MTHFD1L: variants seen among roughly 807,000 people sequenced by gnomAD.
MTHFD1L encodes the protein methylenetetrahydrofolate dehydrogenase (NADP+ dependent) 1 like.
Under a neutral mutation model 119.5 loss-of-function variants are expected in MTHFD1L, and 81 were observed. The ratio of observed to expected loss-of-function variants is 0.68; its 90% confidence interval spans 0.57 to 0.82. The LOEUF is 0.82. Ranked by LOEUF, MTHFD1L falls within the 40% of genes least tolerant of loss-of-function variation. The pLI is 0.00. For synonymous variants in MTHFD1L, 430 were observed against 475.2 expected, an observed-to-expected ratio of 0.90 and a Z score of 1.24; for missense variants, 1,125 against 1,253.4, an observed-to-expected ratio of 0.90 and a Z score of 1.55.
intron 26 of MTHFD1L, among the ~76,000 whole-genome samples, chr6:151,044,229 TC>T (rs1787587126): frequency 6.6e-6 from 1 of 151,752 alleles, no homozygotes; most frequent in South Asian, 2.1e-4. Flanking sequence ...TTCCTGTAAC[TC>T]CTTCACTTTG....
At chr6:150,997,567 T>C (rs1459619368) in intron 20 of MTHFD1L, among the ~76,000 whole-genome samples, 1 of 152,116 alleles carries the variant, frequency 6.6e-6, no homozygotes, top group Non-Finnish European at 1.5e-5. Flanking sequence ...GGCAGGTGGA[T>C]GCCTCGAGCC....
chr6:150,928,407 G>A (rs1177201694), intron 11 of MTHFD1L, among the ~76,000 whole-genome samples: 1 of 127,096 alleles, frequency 7.9e-6, no homozygotes, highest in African/African-American at 3.1e-5. Context: ...CTGCACTCCA[G>A]CCTAGGTGAC....
intron 26 of MTHFD1L, among the ~76,000 whole-genome samples, chr6:151,081,374 T>G (rs980728284): frequency 6.6e-6 from 1 of 152,026 alleles, no homozygotes; most frequent in South Asian, 2.1e-4. Context: ...TGACTTGGGC[T>G]GGGCGCAGTG....
chr6:150,921,433 G>A (rs6936056), intron 9 of MTHFD1L, among the ~76,000 whole-genome samples: 13,538 of 151,938 alleles, frequency 0.089, 850 homozygotes, highest in African/African-American at 0.17. Context: ...TGTATTTTTA[G>A]TAGAGACAGG....
intron 11 of MTHFD1L, among the ~76,000 whole-genome samples, chr6:150,932,009 A>G (rs1791122880): frequency 6.6e-6 from 1 of 151,802 alleles, no homozygotes; most frequent in Admixed American, 6.6e-5. Flanking sequence ...TAAAAATACA[A>G]AAATTAGCTG....
chr6:151,062,796 C>G (rs1276113352), intron 26 of MTHFD1L, among the ~76,000 whole-genome samples: 1 of 151,632 alleles, frequency 6.6e-6, no homozygotes, highest in African/African-American at 2.4e-5. Flanking sequence ...TCTTGGATGG[C>G]CTTTAACTTG....
intron 26 of MTHFD1L, among the ~76,000 whole-genome samples, chr6:151,063,876 GT>G (rs5880913): frequency 0.12 from 18,117 of 146,852 alleles, 1,278 homozygotes; most frequent in Admixed American, 0.18. Flanking sequence ...TGTGTTTTGG[GT>G]TTTTTTTTTT....
Position 150,885,716 on chromosome 6 carries a change from G to A in MTHFD1L, c.625G>A (p.Glu209Lys). ...FVSPVAKAVIELLEKSGVNLD... is the reference protein window; with the variant it reads ...FVSPVAKAVIKLLEKSGVNLD... ...TTCACCTGTTGCCAAAGCTGTAATTGAACTTCTTGAAAAATCAGGTAGGAT... is the reference window on the plus strand; with the variant it reads ...TTCACCTGTTGCCAAAGCTGTAATTAAACTTCTTGAAAAATCAGGTAGGAT... Residue 209 changes from glutamate to lysine, a missense_variant, in exon 6 of 28, where the codon GAA becomes AAA. Physicochemically the swap from Glu to Lys is moderately conservative, Grantham distance 56. Coordinates refer to ENST00000367321, the MANE Select transcript of MTHFD1L (RefSeq NM_015440.5). The A allele has an allele frequency of 6.2e-7, 1 of 1,613,184 alleles. No homozygotes were observed.
chr6:150,943,574 A>G (rs1438776630), intron 13 of MTHFD1L, among the ~76,000 whole-genome samples: 1 of 152,218 alleles, frequency 6.6e-6, no homozygotes, highest in East Asian at 1.9e-4. Context: ...TAAAAGGAAA[A>G]GCTATTTGTG....
chr6:150,949,046 A>C lies in MTHFD1L; in HGVS notation c.1639A>C (p.Lys547Gln). 2 of 1,613,890 alleles carry C rather than the reference A, an allele frequency of 1.2e-6. No individual in the cohort carries two copies. The highest frequency in any genetic ancestry group is 8.5e-7 in the Non-Finnish European group (1 of 1,179,894). ...TAATCATTAGAAACTGGGAATAAAT[A>C]AGACTGATCCGAGCACACTGACAGA... ...LARLKKLGIN[K>Q]TDPSTLTEEE... Residue 547 changes from lysine (K) to glutamine (Q), a missense_variant, in exon 16 of 28, where the codon AAG (lysine) becomes CAG (glutamine). By Grantham distance (53) the Lys-to-Gln change is moderately conservative. Around this residue, in one of 3 missense-constraint regions of MTHFD1L, gnomAD observed 1,058 missense variants for 1,151.2 expected, o/e 0.92. Transcript: ENST00000367321.
intron 26 of MTHFD1L, among the ~76,000 whole-genome samples, chr6:151,090,142 A>G (rs1794242377): frequency 6.6e-6 from 1 of 151,534 alleles, no homozygotes; most frequent in Admixed American, 6.6e-5. Flanking sequence ...CCCCACTCCC[A>G]CTCTCAGTTG....
chr6:150,954,831 G>A (rs1456801738), intron 16 of MTHFD1L, among the ~76,000 whole-genome samples: 1 of 151,924 alleles, frequency 6.6e-6, no homozygotes, highest in Admixed American at 6.6e-5. Flanking sequence ...TGCCCAGGCT[G>A]TTCTCAAATT....
At chr6:150,971,627 A>C (rs963461704) in intron 19 of MTHFD1L, among the ~76,000 whole-genome samples, 2 of 152,254 alleles carry the variant, frequency 1.3e-5, no homozygotes, top group Non-Finnish European at 2.9e-5. Context: ...ATGGCAACAT[A>C]AAATAAGGTA....
At chr6:150,998,509 C>T (rs903553268) in intron 20 of MTHFD1L, among the ~76,000 whole-genome samples, 4 of 151,552 alleles carry the variant, frequency 2.6e-5, no homozygotes, top group Non-Finnish European at 5.9e-5. Context: ...TTATTGTTTA[C>T]ACAGGTTAAG....
chr6:150,942,519 T>C (rs1793296183), intron 13 of MTHFD1L, among the ~76,000 whole-genome samples: 1 of 152,150 alleles, frequency 6.6e-6, no homozygotes, highest in African/African-American at 2.4e-5. Flanking sequence ...AAAAAATGAA[T>C]GTATGGGAAT....
chr6:150,867,032 C>A (rs1201383962), intron 1 of MTHFD1L, among the ~76,000 whole-genome samples: 1 of 152,202 alleles, frequency 6.6e-6, no homozygotes, highest in Non-Finnish European at 1.5e-5. Context: ...CTTTCTTAGT[C>A]ATTGCCTGCT....
intron 21 of MTHFD1L, among the ~76,000 whole-genome samples, chr6:151,012,631 G>T (rs77296480): frequency 0.024 from 3,636 of 152,026 alleles, 56 homozygotes; most frequent in African/African-American, 0.041. Context: ...CTATGCTTTG[G>T]GATCCACAGA....
rs1584090429 is a variant in MTHFD1L at position 151,007,213 on chromosome 6, AC to A, written c.2126-2601del. Among the ~76,000 whole-genome samples, 9 of 150,864 alleles carry A rather than the reference AC, an allele frequency of 6.0e-5. No individual in the cohort carries two copies. The South Asian group carries it at 1.9e-3, about 32-fold the overall frequency. ...TTGATTCTCAGAGCCTGACTCCATCACCCCCTCTCTCCAACCCTCCCAGGCA... is the reference window on the plus strand; with the variant it reads ...TTGATTCTCAGAGCCTGACTCCATCACCCCTCTCTCCAACCCTCCCAGGCA... On this transcript the variant is annotated intron_variant, in intron 20 of 27. Coordinates refer to ENST00000367321, the MANE Select transcript of MTHFD1L (RefSeq NM_015440.5).
intron 26 of MTHFD1L, among the ~76,000 whole-genome samples, chr6:151,042,986 A>G (rs543991062): frequency 2.6e-5 from 4 of 152,210 alleles, no homozygotes; most frequent in African/African-American, 7.2e-5. Context: ...AGCGGGCTCC[A>G]TGCCATCACC....
Sources: allele counts gnomAD v4.1 joint callset (sites outside exome capture counted in the v4.1 genomes callset), GRCh38; gene constraint gnomAD v4.1.1; regional missense constraint gnomAD v4.1.1; transcripts MANE v1.5; gene names NCBI Gene and HGNC (gene_info 2026-07-23, HGNC 2026-07-21).